The following L3MBTL1 variants were observed in gnomAD, a reference collection of about 807,000 sequenced individuals.
L3MBTL1 encodes L3MBTL histone methyl-lysine binding protein 1.
A neutral mutation model predicts 105.3 loss-of-function variants in L3MBTL1; 75 were observed. The ratio of observed to expected loss-of-function variants is 0.71; its 90% confidence interval spans 0.59 to 0.86. L3MBTL1 has a LOEUF of 0.86. L3MBTL1 is among the 40% of genes least tolerant of loss of function. The pLI is 0.00. For synonymous variants in L3MBTL1, 452 were observed against 436.2 expected, an observed-to-expected ratio of 1.04 and a Z score of -0.45; for missense variants, 1,069 against 1,126.4, an observed-to-expected ratio of 0.95 and a Z score of 0.73.
intron 1 of L3MBTL1, among the ~76,000 whole-genome samples, chr20:43,508,756 G>A (rs2018053370): frequency 6.6e-6 from 1 of 152,244 alleles, no homozygotes; most frequent in African/African-American, 2.4e-5. Flanking sequence ...AATATCACCA[G>A]TAGGGGAATG....
rs776575457 is a variant in L3MBTL1 at position 43,540,960 on chromosome 20, A to G, written c.2421A>G (p.Val807=). 13 of 1,614,114 alleles carry G rather than the reference A, an allele frequency of 8.1e-6. 1 individual carries two copies. In the South Asian group the frequency reaches 1.4e-4, roughly 18 times the overall value. Residue 807 remains valine, a synonymous_variant, in exon 22 of 22, where the codon GTA becomes GTG. Transcript: ENST00000418998. ...DEARIVRVTH[V]SGKTLVWTVA... is the part of the protein sequence containing the mutation. ...CAAGAATAGTCAGAGTGACCCATGT[A>G]TCTGGGAAGACTCTAGTCTGGACTG...
At chr20:43,537,759 T>C (rs905264509) in intron 19 of L3MBTL1, among the ~76,000 whole-genome samples, 5 of 152,148 alleles carry the variant, frequency 3.3e-5, no homozygotes, top group Non-Finnish European at 7.4e-5. Flanking sequence ...CCTTGAGAAA[T>C]CACCTGGTTT....
chr20:43,537,711 G>A (rs1384876671), intron 19 of L3MBTL1, among the ~76,000 whole-genome samples: 1 of 152,190 alleles, frequency 6.6e-6, no homozygotes, highest in Non-Finnish European at 1.5e-5. Flanking sequence ...GGACGCCTCA[G>A]TTGAATGGAA....
exon 19 of L3MBTL1, chr20:43,549,875 T>A (rs772813518): frequency 6.6e-6 from 1 of 152,220 alleles, no homozygotes; most frequent in Non-Finnish European, 1.5e-5. Context: ...AACCCAGAGC[T>A]CTGTTGATTT....
downstream of L3MBTL1, among the ~76,000 whole-genome samples, chr20:43,543,224 C>T (rs1978340952): frequency 6.6e-6 from 1 of 152,092 alleles, no homozygotes; most frequent in South Asian, 2.1e-4. Context: ...GTTAATAAGG[C>T]TTTCCAACCT....
intron 12 of L3MBTL1, 151 bp downstream of exon 12, chr20:43,533,075 A>T (rs952568145): frequency 1.2e-5 from 10 of 804,238 alleles, no homozygotes; most frequent in Middle Eastern, 2.6e-4. Context: ...GAGCTTTATC[A>T]TAAGAAATAC....
chr20:43,516,155 G>A lies in L3MBTL1; in HGVS notation c.840G>A (p.Glu280=), dbSNP rs1350421108. The A allele has an allele frequency of 1.2e-5, 19 of 1,613,928 alleles. No individual in the cohort carries two copies. The highest frequency in any genetic ancestry group is 1.4e-5 in the Non-Finnish European group (16 of 1,179,960). ...CCACTGCTAGCACCCCAGAGAGTGA[G>A]GAGTGGAGCAGCAGCCAGCCTGGTA... ...GQPTASTPES[E]EWSSSQPATG... The change falls in exon 7 of 22, where the codon GAG becomes GAA. Residue 280 remains glutamate (E), a synonymous_variant. Transcript: ENST00000418998.
downstream of L3MBTL1, among the ~76,000 whole-genome samples, chr20:43,546,606 G>A (rs183550566): frequency 2.0e-3 from 301 of 152,126 alleles, 4 homozygotes; most frequent in Non-Finnish European, 3.5e-4. Context: ...GAGGGATGGC[G>A]TCTCCTCAAA....
Position 43,541,726 on chromosome 20 carries a change from A to G in L3MBTL1, c.*598A>G. ...TGTTCCACTATAATCTTATGGGACC[A>G]TGGTTTTAAATGTGGAATCATTGAC... On this transcript the variant is annotated 3_prime_UTR_variant, in exon 22 of 22. Coordinates refer to ENST00000418998, the MANE Select transcript of L3MBTL1 (RefSeq NM_001377303.1). 2 of 763,916 alleles carry G rather than the reference A, an allele frequency of 2.6e-6. No homozygotes were observed. The highest frequency in any genetic ancestry group is 3.2e-6 in the Non-Finnish European group (2 of 626,802). 47.3% of individuals were successfully genotyped at this position (763,916 alleles called of 1,614,324 possible). A position where few individuals can be genotyped will look rare whatever the true frequency, so the allele number is the denominator to read the frequency against.
intron 19 of L3MBTL1, among the ~76,000 whole-genome samples, chr20:43,538,411 A>G (rs2019740954): frequency 6.6e-6 from 1 of 152,222 alleles, no homozygotes; most frequent in Non-Finnish European, 1.5e-5. Context: ...AGGATAGAGC[A>G]GGGGTCATTG....
In L3MBTL1 at chr20:43,536,465, C is replaced by G; in HGVS notation, c.2173+7C>G. 1 of 1,613,866 alleles carries G rather than the reference C, an allele frequency of 6.2e-7. No homozygotes were observed. Among genetic ancestry groups the G allele is most frequent in the Non-Finnish European group, 8.5e-7 (1 of 1,179,994 alleles). ...CCGCAGGAAGATTTCCAGAGTAAGT[C>G]TGGGTTATCTGCTCCTATGTCCTCC... On this transcript the variant is annotated splice_region_variant and intron_variant, in intron 19 of 21. Coordinates refer to ENST00000418998, the MANE Select transcript of L3MBTL1 (RefSeq NM_001377303.1).
intron 1 of L3MBTL1, among the ~76,000 whole-genome samples, chr20:43,510,773 A>G (rs1449198463): frequency 6.6e-6 from 1 of 151,274 alleles, no homozygotes; most frequent in Non-Finnish European, 1.5e-5. Context: ...ACCGGAGTAC[A>G]GTGGTGAGAT....
exon 19 of L3MBTL1, chr20:43,548,471 G>T (rs372601257): frequency 2.9e-5 from 9 of 306,898 alleles, no homozygotes; most frequent in South Asian, 5.9e-5. Context: ...GTTGGTGAGG[G>T]CGTGACTGGC....
At chr20:43,543,326 G>A (rs918838418), downstream of L3MBTL1, among the ~76,000 whole-genome samples, 1 of 152,170 alleles carries the variant, frequency 6.6e-6, no homozygotes, top group African/African-American at 2.4e-5. Flanking sequence ...GTGGCACGCT[G>A]TTTCAAACCT....
At chr20:43,522,298 T>C (rs755528314) in intron 7 of L3MBTL1, among the ~76,000 whole-genome samples, 3 of 151,962 alleles carry the variant, frequency 2.0e-5, no homozygotes, top group Non-Finnish European at 2.9e-5. Flanking sequence ...GAGGTTGCAG[T>C]GAGCTGAGAT....
At chr20:43,548,453 C>A in exon 19 of L3MBTL1, 1 of 317,410 alleles carries the variant, frequency 3.2e-6, no homozygotes, top group Non-Finnish European at 6.1e-6. Flanking sequence ...TCATTCGTCA[C>A]CAGGCATGTT....
downstream of L3MBTL1, among the ~76,000 whole-genome samples, chr20:43,544,098 G>A (rs1181212115): frequency 6.6e-6 from 1 of 152,240 alleles, no homozygotes; most frequent in African/African-American, 2.4e-5. Flanking sequence ...GGAGGACAGA[G>A]AGGGGCCAGT....
exon 19 of L3MBTL1, chr20:43,549,299 C>T (rs1978831630): frequency 6.6e-6 from 1 of 152,286 alleles, no homozygotes; most frequent in Non-Finnish European, 1.5e-5. Flanking sequence ...ATGTAGCACT[C>T]TGTGTAGCAC....
chr20:43,529,451 A>G lies in L3MBTL1; in HGVS notation c.1056+83A>G, dbSNP rs1417590059. ...TCTTGCTGGGGACATAGAAGGAAAC[A>G]CCTCCCTCCCCTCAGAGCACACACA... is the stretch of plus-strand genomic sequence containing the variant. On this transcript the variant is annotated intron_variant, in intron 9 of 21. Transcript: ENST00000418998. The G allele has an allele frequency of 1.7e-5, 16 of 926,162 alleles. No homozygotes were observed. In the South Asian group the frequency reaches 2.0e-4, roughly 12 times the overall value. 57.4% of individuals were successfully genotyped at this position (926,162 alleles called of 1,614,324 possible). A position where few individuals can be genotyped will look rare whatever the true frequency, so the allele number is the denominator to read the frequency against.
Sources: gnomAD v4.1 joint callset for allele counts (sites outside exome capture counted in the v4.1 genomes callset) on GRCh38, gnomAD v4.1.1 for gene constraint, MANE v1.5 for transcripts, NCBI Gene and HGNC (gene_info 2026-07-23, HGNC 2026-07-21) for gene names.